TNFSF10: variants seen among roughly 807,000 people sequenced by gnomAD.
TNFSF10 encodes the protein tumor necrosis factor ligand superfamily member 10.
Under a neutral mutation model 29.5 loss-of-function variants are expected in TNFSF10, and 13 were observed. The ratio of observed to expected loss-of-function variants is 0.44; its 90% CI spans 0.29 to 0.70. The LOEUF (loss-of-function observed/expected upper bound fraction) is 0.70, where lower values mean the gene tolerates loss of function less well. Among genes scored for constraint, TNFSF10 ranks in the 30% least tolerant of loss-of-function variants. The pLI is 0.13. For synonymous variants in TNFSF10, 111 were observed against 112.8 expected (o/e 0.98, Z 0.10); for missense variants, 345 against 330.9 (o/e 1.04, Z -0.33).
At chr3:172,514,315 G>T (rs1713346055) in intron 2 of TNFSF10, among the ~76,000 whole-genome samples, 1 of 152,104 alleles carries the variant, frequency 6.6e-6, no homozygotes, top group Non-Finnish European at 1.5e-5. Context: ...TTATTTATTG[G>T]CTGTAAATTA....
intron 4 of TNFSF10, among the ~76,000 whole-genome samples, chr3:172,508,812 A>G (rs1050934072): frequency 2.6e-5 from 4 of 151,568 alleles, no homozygotes; most frequent in Non-Finnish European, 5.9e-5. Flanking sequence ...TTGCTTGAAC[A>G]CTGGAGGCGG....
intron 4 of TNFSF10, 31 bp downstream of exon 4, chr3:172,509,186 C>A (rs1307022077): frequency 6.4e-7 from 1 of 1,568,514 alleles, no homozygotes; most frequent in Non-Finnish European, 8.7e-7. Flanking sequence ...CATTATTTTC[C>A]CTTAAGTCAC....
Position 172,506,580 on chromosome 3 carries a change from T to A in TNFSF10, c.758A>T (p.Asn253Ile). The A allele has an allele frequency of 6.2e-7, 1 of 1,614,164 alleles. No individual in the cohort carries two copies. Among genetic ancestry groups the A allele is most frequent in the Non-Finnish European group, 8.5e-7 (1 of 1,180,012 alleles). Reference protein sequence around the residue: ...YQGGIFELKENDRIFVSVTNE... With the variant: ...YQGGIFELKEIDRIFVSVTNE... ...TGTTACAGAAACAAAAATTCTGTCA[T>A]TTTCCTTAAGCTCAAATATTCCCCC... The change falls in exon 5 of 5, where the codon AAT (asparagine) becomes ATT (isoleucine). Residue 253 changes from asparagine (N) to isoleucine (I), a missense_variant. Coordinates refer to ENST00000241261, the MANE Select transcript of TNFSF10 (RefSeq NM_003810.4).
intron 1 of TNFSF10, chr3:172,522,587 C>T: frequency 2.2e-6 from 1 of 444,878 alleles, no homozygotes; most frequent in Non-Finnish European, 4.1e-6. Flanking sequence ...GTGTAAGCTC[C>T]AGTCCCTTTG....
intron 1 of TNFSF10, 33 bp from the exon 2 acceptor site, chr3:172,515,031 G>C (rs745904163): frequency 3.7e-6 from 6 of 1,611,194 alleles, no homozygotes; most frequent in Non-Finnish European, 5.1e-6. Flanking sequence ...ACAATATTTT[G>C]CATAAGTGCT....
Position 172,506,520 on chromosome 3 carries a change from C to T in TNFSF10, c.818G>A (p.Ser273Asn). Reference sequence around the variant, plus strand: ...GCCAACTAAAAAGGCCCCAAAAAAACTGGCTTCATGGTCCATGTCTATCAA... The same window carrying T: ...GCCAACTAAAAAGGCCCCAAAAAAATTGGCTTCATGGTCCATGTCTATCAA... ...EHLIDMDHEA[S>N]FFGAFLVG Residue 273 changes from serine (S) to asparagine (N), a missense_variant, in exon 5 of 5, where the codon AGT becomes AAT. Coordinates refer to ENST00000241261, the MANE Select transcript of TNFSF10 (RefSeq NM_003810.4). The T allele has an allele frequency of 1.9e-6, 3 of 1,605,382 alleles. No individual in the cohort carries two copies. Among genetic ancestry groups the T allele is most frequent in the Non-Finnish European group, 2.5e-6 (3 of 1,177,550 alleles).
chr3:172,509,976 CA>C (rs11290814), intron 3 of TNFSF10, among the ~76,000 whole-genome samples: 44,700 of 101,804 alleles, frequency 0.44, 7,398 homozygotes, highest in East Asian at 0.56. Flanking sequence ...AAGACTCCGT[CA>C]AAAAAAAAAA....
intron 2 of TNFSF10, among the ~76,000 whole-genome samples, chr3:172,513,645 T>TGC (rs1713314779): frequency 6.6e-6 from 1 of 152,170 alleles, no homozygotes; most frequent in South Asian, 2.1e-4. Flanking sequence ...TAACAGTATT[T>TGC]ATATGGAGAA....
At chr3:172,514,497 C>CT (rs1435426310) in intron 2 of TNFSF10, among the ~76,000 whole-genome samples, 3 of 152,156 alleles carry the variant, frequency 2.0e-5, no homozygotes, top group African/African-American at 7.2e-5. Flanking sequence ...ATTTGATCTT[C>CT]TTTATCTTTT....
chr3:172,506,363 A>G lies in TNFSF10; in HGVS notation c.*129T>C. On this transcript the variant is annotated 3_prime_UTR_variant, in exon 5 of 5. Coordinates refer to ENST00000241261, the MANE Select transcript of TNFSF10 (RefSeq NM_003810.4). Reference sequence around the variant, plus strand: ...GTTGTGGCTGCTCTACTCAGATTGCATAGAGGTTTTTTTGTTTTCTGTTTT... The same window carrying G: ...GTTGTGGCTGCTCTACTCAGATTGCGTAGAGGTTTTTTTGTTTTCTGTTTT... 2 of 1,186,062 alleles carry G rather than the reference A, an allele frequency of 1.7e-6. No homozygotes were observed. The highest frequency in any genetic ancestry group is 2.3e-6 in the Non-Finnish European group (2 of 862,938). The allele number at this position is 1,186,062 out of a possible 1,614,324, so 73.5% of individuals were successfully genotyped here.
intron 2 of TNFSF10, among the ~76,000 whole-genome samples, chr3:172,514,301 T>G (rs182059931): frequency 4.6e-5 from 7 of 152,362 alleles, no homozygotes; most frequent in Non-Finnish European, 1.0e-4. Flanking sequence ...CTTTTTGTAA[T>G]TTGTTATTTA....
At chr3:172,518,305 T>C (rs1713526319) in intron 1 of TNFSF10, 1 of 1,210,606 alleles carries the variant, frequency 8.3e-7, no homozygotes. Context: ...GTGACTGCTC[T>C]TGGTGCTGTT....
intron 1 of TNFSF10, chr3:172,522,474 T>C: frequency 7.8e-7 from 1 of 1,282,618 alleles, no homozygotes; most frequent in Non-Finnish European, 1.1e-6. Context: ...GGTTAGAATC[T>C]CTTACTGTGC....
At chr3:172,514,119 G>A (rs3774314) in intron 2 of TNFSF10, among the ~76,000 whole-genome samples, 18,574 of 152,188 alleles carry the variant, frequency 0.12, 1,461 homozygotes, top group Non-Finnish European at 0.18. Flanking sequence ...GATTACAGGC[G>A]TGAGCCACTA....
chr3:172,509,780 T>C (rs3181142), intron 3 of TNFSF10, among the ~76,000 whole-genome samples: 106,442 of 151,862 alleles, frequency 0.7, 37,641 homozygotes, highest in Middle Eastern at 0.78. Context: ...AGATTGAGAC[T>C]ATCCTGGCTA....
intron 4 of TNFSF10, chr3:172,507,591 C>T (rs1048071079): frequency 1.4e-4 from 22 of 152,224 alleles, no homozygotes; most frequent in Admixed American, 1.3e-3. Context: ...TTTAGCCTAT[C>T]TCCACGATTG....
intron 2 of TNFSF10, 137 bp downstream of exon 2, chr3:172,514,724 T>C (rs1042681041): frequency 1.6e-6 from 2 of 1,238,748 alleles, no homozygotes; most frequent in African/African-American, 1.5e-5. Flanking sequence ...GGAAAATTAC[T>C]TAAATACTCT....
chr3:172,520,364 A>G (rs1232005821), intron 1 of TNFSF10, among the ~76,000 whole-genome samples: 3 of 152,236 alleles, frequency 2.0e-5, no homozygotes, highest in Non-Finnish European at 4.4e-5. Flanking sequence ...CTTCTTTATT[A>G]CAGATTTTAC....
At chr3:172,516,998 A>G (rs999178382) in intron 1 of TNFSF10, among the ~76,000 whole-genome samples, 1 of 152,224 alleles carries the variant, frequency 6.6e-6, no homozygotes. Context: ...GTTTGATTAC[A>G]CTGAACAAGC....
Sources: gnomAD v4.1 joint callset for allele counts (sites outside exome capture counted in the v4.1 genomes callset) on GRCh38, gnomAD v4.1.1 for gene constraint, MANE v1.5 for transcripts, NCBI Gene and HGNC (gene_info 2026-07-23, HGNC 2026-07-21) for gene names.